CCDC146: variants seen among roughly 807,000 people sequenced by gnomAD.
The protein encoded by CCDC146 is coiled-coil domain-containing protein 146.
A neutral mutation model predicts 119.3 loss-of-function variants in CCDC146; 92 were observed. That is an observed-to-expected ratio of 0.77 (90% confidence interval 0.65 to 0.92). CCDC146 has a LOEUF of 0.92. Ranked by LOEUF, CCDC146 falls within the 40% of genes least tolerant of loss-of-function variation. The pLI is 0.00. For missense variants in CCDC146, 1,000 were observed against 1,103.0 expected, an observed-to-expected ratio of 0.91 and a Z score of 1.32; for synonymous variants, 372 against 371.8, an observed-to-expected ratio of 1.00 and a Z score of -0.01.
Position 77,256,358 on chromosome 7 carries a change from TGAGA to T in CCDC146, c.536_539del (p.Arg179LysfsTer10). The T allele has an allele frequency of 6.3e-7, 1 of 1,594,378 alleles. No individual in the cohort carries two copies. The highest frequency in any genetic ancestry group is 1.4e-5 in the African/African-American group (1 of 73,510). On this transcript the variant is annotated frameshift_variant, in exon 6 of 19. Transcript: ENST00000285871. Reference sequence around the variant, plus strand: ...GAAATGGAGAAGAAGATGAAAATATTGAGAGAAAGCACTGAAGAATTACGTAAAG... The same window carrying T: ...GAAATGGAGAAGAAGATGAAAATATTGAAAGCACTGAAGAATTACGTAAAG...
Position 77,196,593 on chromosome 7 carries a change from T to C in CCDC146, c.156+28769T>C. ...CGTAATGCATCTCCAGCTGTGCCAT[T>C]ATAGTTACCAACGTGTAAACGATAT... is the stretch of plus-strand genomic sequence containing the variant. On this transcript the variant is annotated intron_variant, in intron 2 of 18. Coordinates refer to ENST00000285871, the MANE Select transcript of CCDC146 (RefSeq NM_020879.3). The surrounding 1 kb of genome is among the most constrained non-coding windows in gnomAD (Gnocchi z 4.2). 1 of 1,614,186 alleles carries C rather than the reference T, an allele frequency of 6.2e-7. No homozygotes were observed. The highest frequency in any genetic ancestry group is 8.5e-7 in the Non-Finnish European group (1 of 1,180,002).
rs189194282 is a variant in CCDC146 at position 77,142,722 on chromosome 7, T to C, written c.-12+19990T>C. Among the ~76,000 whole-genome samples the C allele has an allele frequency of 6.2e-3, 934 of 151,842 alleles. 32 individuals carry two copies. Among genetic ancestry groups the C allele is most frequent in the African/African-American group, 0.02 (825 of 41,128 alleles). On this transcript the variant is annotated intron_variant, in intron 1 of 18. Transcript: ENST00000285871. ...GGATGATGGTTTCCAGCTTCATCCATGTCCCTATGAAGGACATGAACTCAT... is the reference window on the plus strand; with the variant it reads ...GGATGATGGTTTCCAGCTTCATCCACGTCCCTATGAAGGACATGAACTCAT...
intron 2 of CCDC146, among the ~76,000 whole-genome samples, chr7:77,204,802 T>A (rs1792054198): frequency 6.6e-6 from 1 of 152,210 alleles, no homozygotes; most frequent in South Asian, 2.1e-4. Context: ...GTCATTTCCC[T>A]AAATTTCCAG....
At chr7:77,127,254 G>A (rs1444647186) in intron 1 of CCDC146, among the ~76,000 whole-genome samples, 2 of 152,126 alleles carry the variant, frequency 1.3e-5, no homozygotes, top group East Asian at 3.9e-4. Context: ...CTGGTCAGGC[G>A]GCTGCAGCTG....
intron 1 of CCDC146, among the ~76,000 whole-genome samples, chr7:77,138,798 T>A (rs1790894806): frequency 6.6e-6 from 1 of 152,136 alleles, no homozygotes; most frequent in South Asian, 2.1e-4. Context: ...CAAATGCAAG[T>A]TAAAACAATA....
At chr7:77,253,203 A>G (rs3108425) in intron 4 of CCDC146, among the ~76,000 whole-genome samples, 112,099 of 152,102 alleles carry the variant, frequency 0.74, 43,034 homozygotes, top group Non-Finnish European at 0.87. Context: ...AACCACTTAG[A>G]CTTGGCTCCT....
At chr7:77,159,529 AT>A (rs1791226695) in intron 1 of CCDC146, among the ~76,000 whole-genome samples, 1 of 152,074 alleles carries the variant, frequency 6.6e-6, no homozygotes, top group Admixed American at 6.6e-5. Context: ...TTGTCCATTC[AT>A]ATGTCCATGG....
intron 1 of CCDC146, among the ~76,000 whole-genome samples, chr7:77,134,541 C>CTGTGTG (rs67724407): frequency 6.2e-5 from 9 of 144,148 alleles, no homozygotes; most frequent in African/African-American, 1.3e-4. Flanking sequence ...TAAGGCCACT[C>CTGTGTG]TGTGTGTGTG....
intron 1 of CCDC146, among the ~76,000 whole-genome samples, chr7:77,154,946 G>GT (rs1791160065): frequency 6.6e-6 from 1 of 152,102 alleles, no homozygotes; most frequent in African/African-American, 2.4e-5. Flanking sequence ...GTGGCCTCCA[G>GT]TGTGAGGATT....
chr7:77,197,140 G>C (rs1791888261), intron 2 of CCDC146, among the ~76,000 whole-genome samples: 1 of 152,174 alleles, frequency 6.6e-6, no homozygotes, highest in African/African-American at 2.4e-5. Context: ...AAATGCTTAA[G>C]GCCTCACAAG....
At chr7:77,276,809 G>A (rs1172983244) in intron 11 of CCDC146, among the ~76,000 whole-genome samples, 20 of 152,308 alleles carry the variant, frequency 1.3e-4, no homozygotes, top group East Asian at 5.8e-4. Context: ...GGTCTCTCAC[G>A]CCTGTAATCC....
intron 1 of CCDC146, among the ~76,000 whole-genome samples, chr7:77,133,841 A>ACACT (rs1554345455): frequency 6.6e-6 from 1 of 150,384 alleles, no homozygotes; most frequent in African/African-American, 2.4e-5. Context: ...ACACACACAC[A>ACACT]CACACACACA....
At chr7:77,235,545 T>C (rs1189510079) in intron 2 of CCDC146, among the ~76,000 whole-genome samples, 1 of 152,182 alleles carries the variant, frequency 6.6e-6, no homozygotes, top group Non-Finnish European at 1.5e-5. Context: ...GAAAGGAGGC[T>C]GTGGGGGTGT....
intron 2 of CCDC146, among the ~76,000 whole-genome samples, chr7:77,211,978 C>A (rs1165807538): frequency 2.0e-5 from 3 of 152,110 alleles, no homozygotes; most frequent in Non-Finnish European, 4.4e-5. Context: ...TTGTGAAACT[C>A]CAGGAGTGTT....
intron 1 of CCDC146, among the ~76,000 whole-genome samples, chr7:77,167,119 T>C (rs1791348789): frequency 6.6e-6 from 1 of 152,318 alleles, no homozygotes; most frequent in Middle Eastern, 3.4e-3. Flanking sequence ...GTATGTTATT[T>C]GCTAGGTGTT....
chr7:77,162,476 A>G (rs1303876492), intron 1 of CCDC146, among the ~76,000 whole-genome samples: 2 of 152,190 alleles, frequency 1.3e-5, no homozygotes, highest in South Asian at 2.1e-4. Context: ...TGGGCTCTCT[A>G]TTTTGTTCCA....
At chr7:77,255,312 A>G (rs889011125) in intron 5 of CCDC146, 9 of 152,206 alleles carry the variant, frequency 5.9e-5, no homozygotes, top group African/African-American at 2.2e-4. Flanking sequence ...GACAATGCAA[A>G]GGGACATGCA....
chr7:77,169,426 T>C (rs140249492), intron 2 of CCDC146, among the ~76,000 whole-genome samples: 2,668 of 152,292 alleles, frequency 0.018, 15 homozygotes, highest in African/African-American at 0.061. Context: ...GTGGTTGTCT[T>C]ACTCCTCTTA....
At position 77,254,684 on chromosome 7, in the gene CCDC146, A is replaced by G. The variant is rs1433429150; in HGVS notation, c.507+121A>G. On this transcript the variant is annotated intron_variant, in intron 5 of 18. Coordinates refer to ENST00000285871, the MANE Select transcript of CCDC146 (RefSeq NM_020879.3). Reference sequence around the variant, plus strand: ...AACATTTTAAAGACTCTAAAGTCTTAACTGTGAATGATGCTGAAAAGACTA... The same window carrying G: ...AACATTTTAAAGACTCTAAAGTCTTGACTGTGAATGATGCTGAAAAGACTA... The G allele has an allele frequency of 5.5e-6, 3 of 549,276 alleles. No individual in the cohort carries two copies. In the East Asian group the frequency reaches 9.6e-5, roughly 18 times the overall value. 34.0% of individuals were successfully genotyped at this position (549,276 alleles called of 1,614,324 possible).
Sources: allele counts gnomAD v4.1 joint callset (sites outside exome capture counted in the v4.1 genomes callset), GRCh38; gene constraint gnomAD v4.1.1; non-coding constraint Gnocchi (gnomAD v3.1); transcripts MANE v1.5; gene names NCBI Gene and HGNC (gene_info 2026-07-23, HGNC 2026-07-21).